The following TEX2 variants were observed in gnomAD, a reference collection of about 807,000 sequenced individuals.
TEX2 encodes testis expressed 2, also known as testis-expressed protein 2.
Under a neutral mutation model 106.9 loss-of-function variants are expected in TEX2, and 53 were observed. The ratio of observed to expected loss-of-function variants is 0.50; its 90% CI spans 0.40 to 0.62. The LOEUF is 0.62. TEX2 is among the 20% of genes least tolerant of loss of function. The pLI is 0.00. For synonymous variants in TEX2, 523 were observed against 534.8 expected, an observed-to-expected ratio of 0.98 and a Z score of 0.30; for missense variants, 1,207 against 1,379.0, an observed-to-expected ratio of 0.88 and a Z score of 1.98.
chr17:64,228,941 C>T (rs1188943741), intron 1 of TEX2, among the ~76,000 whole-genome samples: 2 of 112,016 alleles, frequency 1.8e-5, no homozygotes, highest in South Asian at 2.3e-4. Flanking sequence ...CACACACACA[C>T]ACACACACAC....
At chr17:64,151,231 G>A (rs2030338515) in intron 10 of TEX2, among the ~76,000 whole-genome samples, 1 of 152,108 alleles carries the variant, frequency 6.6e-6, no homozygotes, top group South Asian at 2.1e-4. Flanking sequence ...CATGACCTGG[G>A]CATTGGTTTC....
chr17:64,181,260 G>A (rs188129579), intron 5 of TEX2, among the ~76,000 whole-genome samples: 10 of 152,046 alleles, frequency 6.6e-5, no homozygotes, highest in Admixed American at 2.6e-4. Context: ...GGCAAATCAC[G>A]CAGTCAAGAG....
Position 64,212,663 on chromosome 17 carries a change from G to C in TEX2, c.1555C>G (p.Pro519Ala), listed in dbSNP as rs1555631713. 2 of 1,614,054 alleles carry C rather than the reference G, an allele frequency of 1.2e-6. No individual in the cohort carries two copies. Among genetic ancestry groups the C allele is most frequent in the Non-Finnish European group, 1.7e-6 (2 of 1,180,030 alleles). ...AVCVIWFFTP[P>A]SAHKYHKLHK... ...AACTTGTGATATTTATGAGCACTTG[G>C]TGGTGTAAAAAACCAAATCACGCAA... The change falls in exon 2 of 12, where the codon CCA (proline) becomes GCA (alanine). Residue 519 changes from proline to alanine, a missense_variant. Physicochemically the swap from Pro to Ala is conservative, Grantham distance 27. Transcript: ENST00000584379.
chr17:64,213,782 T>C lies in TEX2; in HGVS notation c.436A>G (p.Ser146Gly), dbSNP rs782625522. ...GAAAGGGATGACACACTGGGAGAGCTAGCTAAGGGCCCCGACGAAGACGAC... is the reference window on the plus strand; with the variant it reads ...GAAAGGGATGACACACTGGGAGAGCCAGCTAAGGGCCCCGACGAAGACGAC... The part of the protein sequence containing the change: ...PGSSSSGPLA[S>G]SPSVSSLSEQ... Residue 146 changes from serine (S) to glycine (G), a missense_variant, in exon 2 of 12, where the codon AGC (serine) becomes GGC (glycine). Transcript: ENST00000584379. This position sits in a 1 kb window ranked among gnomAD's most constrained non-coding sequence, Gnocchi z 4.4. 5.6e-6 allele frequency: 9 copies of C among 1,614,100 alleles called. No homozygotes were observed. The highest frequency in any genetic ancestry group is 1.7e-5 in the Admixed American group (1 of 60,016).
chr17:64,183,204 C>A (rs1339288961), intron 5 of TEX2, among the ~76,000 whole-genome samples: 1 of 152,210 alleles, frequency 6.6e-6, no homozygotes, highest in Non-Finnish European at 1.5e-5. Flanking sequence ...CTGTGCCCCA[C>A]CATTTTCCAC....
chr17:64,236,000 T>A (rs1163499079), intron 1 of TEX2, among the ~76,000 whole-genome samples: 2 of 152,030 alleles, frequency 1.3e-5, no homozygotes, highest in Non-Finnish European at 2.9e-5. Flanking sequence ...GACTCTGTCT[T>A]CCCCTTTACA....
chr17:64,180,284 C>T (rs578169743), intron 5 of TEX2, among the ~76,000 whole-genome samples: 123 of 152,278 alleles, frequency 8.1e-4, no homozygotes, highest in Non-Finnish European at 1.4e-3. Context: ...TCTTTACAAC[C>T]CTAGTTACTC....
Position 64,188,199 on chromosome 17 carries a change from C to T in TEX2, c.2393G>A (p.Ser798Asn). 4 of 1,611,662 alleles carry T rather than the reference C, an allele frequency of 2.5e-6. No individual in the cohort carries two copies. Among genetic ancestry groups the T allele is most frequent in the Non-Finnish European group, 3.4e-6 (4 of 1,180,008 alleles). Residue 798 changes from serine (S) to asparagine (N), a missense_variant, in exon 5 of 12, where the codon AGT becomes AAT. Around this residue, in one of 3 missense-constraint regions of TEX2, gnomAD observed 1,067 missense variants for 1,193.6 expected, o/e 0.89. Transcript: ENST00000584379. ...SRSPQRSPLQSAESSPTAGKK... is the reference protein window; with the variant it reads ...SRSPQRSPLQNAESSPTAGKK... ...CCCAGCTGTGGGGCTGCTCTCCGCA[C>T]TCTGCAGGGGGCTCCTCTGGGGGCT...
intron 1 of TEX2, among the ~76,000 whole-genome samples, chr17:64,242,931 ATT>A (rs571362283): frequency 1.4e-5 from 2 of 142,752 alleles, no homozygotes. Context: ...AAAAAAAAAA[ATT>A]TTTTTTTTTT....
chr17:64,235,238 C>T (rs1555635003), intron 1 of TEX2, among the ~76,000 whole-genome samples: 1 of 152,224 alleles, frequency 6.6e-6, no homozygotes, highest in East Asian at 1.9e-4. Context: ...GTTTAGGCAA[C>T]TCACCAAGGT....
At chr17:64,211,201 T>A (rs1400421628) in intron 2 of TEX2, among the ~76,000 whole-genome samples, 1 of 152,172 alleles carries the variant, frequency 6.6e-6, no homozygotes, top group African/African-American at 2.4e-5. Context: ...CCTCAAGTGA[T>A]CTGCCTCCCT....
Position 64,212,825 on chromosome 17 carries a change from C to A in TEX2, c.1393G>T (p.Ala465Ser). ...ACTGGCAATTCCGGGTGCTGCACGG[C>A]CGAGTCCACCTCGTCCTCACTGTCA... The part of the protein sequence containing the change: ...VLDSEDEVDS[A>S]VQHPELPVKT... The change falls in exon 2 of 12, where the codon GCC becomes TCC. Residue 465 changes from alanine (A) to serine (S), a missense_variant. Transcript: ENST00000584379. 1 of 1,614,058 alleles carries A rather than the reference C, an allele frequency of 6.2e-7. No homozygotes were observed. Among genetic ancestry groups the A allele is most frequent in the African/African-American group, 1.3e-5 (1 of 75,032 alleles).
At chr17:64,225,698 TTTTC>T (rs1422652613) in intron 1 of TEX2, among the ~76,000 whole-genome samples, 10 of 149,898 alleles carry the variant, frequency 6.7e-5, no homozygotes, top group Admixed American at 4.6e-4. Flanking sequence ...CACATTTTTC[TTTTC>T]TTTTCTTTTT....
At chr17:64,163,353 C>T (rs959019396) in intron 7 of TEX2, among the ~76,000 whole-genome samples, 9 of 152,068 alleles carry the variant, frequency 5.9e-5, no homozygotes, top group African/African-American at 2.2e-4. Flanking sequence ...AGGGTGATTT[C>T]AAACTCCTGA....
chr17:64,182,132 G>A (rs544311422), intron 5 of TEX2, among the ~76,000 whole-genome samples: 14 of 152,252 alleles, frequency 9.2e-5, no homozygotes, highest in African/African-American at 3.1e-4. Flanking sequence ...ACACAATGGA[G>A]CATGATTCAG....
intron 7 of TEX2, among the ~76,000 whole-genome samples, chr17:64,166,107 C>T (rs978041773): frequency 5.3e-5 from 8 of 152,232 alleles, no homozygotes; most frequent in African/African-American, 1.9e-4. Context: ...AACCGCTGGA[C>T]TCAGGCACAG....
chr17:64,246,715 G>A (rs1237322867), intron 1 of TEX2, among the ~76,000 whole-genome samples: 2 of 152,208 alleles, frequency 1.3e-5, no homozygotes, highest in Admixed American at 1.3e-4. Context: ...TCAGTAACAG[G>A]CAACAGCAGA....
Position 64,150,823 on chromosome 17 carries a change from A to G in TEX2, c.3261+18T>C, listed in dbSNP as rs368061012. 5.6e-6 allele frequency: 9 copies of G among 1,606,908 alleles called. No homozygotes were observed. The African/African-American group carries it at 1.1e-4, about 19-fold the overall frequency. ...TTCTATACTTGGTGTGAAATACTAG[A>G]TAACACTAGAGGTTTACCTGAAACT... On this transcript the variant is annotated intron_variant, in intron 11 of 11. Transcript: ENST00000584379.
At chr17:64,193,937 C>G (rs575733242) in intron 3 of TEX2, 48 bp from the exon 4 acceptor site, 1 of 1,389,430 alleles carries the variant, frequency 7.2e-7, no homozygotes, top group East Asian at 2.4e-5. Context: ...ATTGGCTACA[C>G]TATGCATTAA....
Sources: gnomAD v4.1 joint callset for allele counts (sites outside exome capture counted in the v4.1 genomes callset) on GRCh38, gnomAD v4.1.1 for gene constraint, gnomAD v4.1.1 regional missense constraint, Gnocchi (gnomAD v3.1) non-coding constraint, MANE v1.5 for transcripts, NCBI Gene and HGNC (gene_info 2026-07-23, HGNC 2026-07-21) for gene names.